The following CDC14A variants were observed in gnomAD, a reference collection of about 807,000 sequenced individuals.
CDC14A encodes the protein dual specificity protein phosphatase CDC14A.
In CDC14A, 53 loss-of-function variants were observed where a neutral mutation model predicts 74.4. That is an observed-to-expected ratio of 0.71 (90% CI 0.57 to 0.89). The LOEUF (loss-of-function observed/expected upper bound fraction) is 0.89, where lower values mean the gene tolerates loss of function less well. Among genes scored for constraint, CDC14A ranks in the 40% least tolerant of loss-of-function variants. The pLI, the probability that CDC14A is intolerant of heterozygous loss-of-function variation, is 0.00. For missense variants in CDC14A, 646 were observed against 713.7 expected (o/e 0.91, Z 1.08); for synonymous variants, 247 against 258.4 (o/e 0.96, Z 0.43).
upstream of CDC14A, among the ~76,000 whole-genome samples, chr1:100,348,059 G>A (rs553345102): frequency 1.6e-4 from 25 of 152,178 alleles, no homozygotes; most frequent in East Asian, 3.7e-3. Context: ...CGAGGTGGGC[G>A]GATCACGAGG....
rs376700434 is a variant in CDC14A at position 100,462,750 on chromosome 1, G to A, written c.707G>A (p.Arg236His). 7 of 1,614,006 alleles carry A rather than the reference G, an allele frequency of 4.3e-6. No individual in the cohort carries two copies. The highest frequency in any genetic ancestry group is 2.7e-5 in the African/African-American group (2 of 74,926). The change falls in exon 9 of 16, where the codon CGC becomes CAC. Residue 236 changes from arginine (R) to histidine (H), a missense_variant. Transcript: ENST00000336454. ...RLNKKIYEAK[R>H]FTDAGFEHYD... Reference sequence around the variant, plus strand: ...AACAAAAAGATTTATGAGGCAAAGCGCTTCACAGACGCTGGCTTCGAGCAC... The same window carrying A: ...AACAAAAAGATTTATGAGGCAAAGCACTTCACAGACGCTGGCTTCGAGCAC...
intron 9 of CDC14A, among the ~76,000 whole-genome samples, chr1:100,466,971 T>G (rs1667896397): frequency 6.6e-6 from 1 of 151,932 alleles, no homozygotes; most frequent in African/African-American, 2.4e-5. Context: ...TTTTTTTTTT[T>G]GTATAAAGCA....
intron 7 of CDC14A, among the ~76,000 whole-genome samples, chr1:100,445,349 C>T (rs966577675): frequency 2.0e-5 from 3 of 152,108 alleles, no homozygotes; most frequent in Admixed American, 1.3e-4. Flanking sequence ...CAGTCCTATA[C>T]CCAATTTTGT....
At chr1:100,447,404 C>A (rs1236506259) in intron 7 of CDC14A, among the ~76,000 whole-genome samples, 1 of 152,152 alleles carries the variant, frequency 6.6e-6, no homozygotes, top group Non-Finnish European at 1.5e-5. Flanking sequence ...CTTACATTTG[C>A]CCCGATCAGA....
Position 100,352,749 on chromosome 1 carries a change from G to A in CDC14A, c.-206G>A. On this transcript the variant is annotated 5_prime_UTR_variant, in exon 1 of 16. Transcript: ENST00000336454. ...GGCGTGAGCGCCCCGCGCGGAGCGA[G>A]CTCGGGTTCCCCTCGGAATGTCCCC... 7.1e-7 allele frequency: 1 copy of A among 1,401,782 alleles called. No individual in the cohort carries two copies. The allele number at this position is 1,401,782 out of a possible 1,614,324, so 86.8% of individuals were successfully genotyped here. A position where few individuals can be genotyped will look rare whatever the true frequency, so the allele number is the denominator to read the frequency against.
At chr1:100,420,535 T>C (rs1160451343) in intron 4 of CDC14A, among the ~76,000 whole-genome samples, 1 of 152,150 alleles carries the variant, frequency 6.6e-6, no homozygotes, top group African/African-American at 2.4e-5. Context: ...TTACATTGTT[T>C]CTCACGGTGT....
At chr1:100,476,782 C>T (rs1189915444) in intron 10 of CDC14A, among the ~76,000 whole-genome samples, 1 of 152,136 alleles carries the variant, frequency 6.6e-6, no homozygotes, top group Non-Finnish European at 1.5e-5. Context: ...AATAATGTCT[C>T]CCCAAATACA....
At chr1:100,501,297 C>T (rs374667917) in intron 15 of CDC14A, among the ~76,000 whole-genome samples, 10 of 152,258 alleles carry the variant, frequency 6.6e-5, no homozygotes, top group Admixed American at 2.0e-4. Flanking sequence ...GATCAGAATG[C>T]AGATCTTTCC....
Position 100,352,779 on chromosome 1 carries a change from C to T in CDC14A, c.-176C>T, listed in dbSNP as rs1321393855. 2 of 1,421,898 alleles carry T rather than the reference C, an allele frequency of 1.4e-6. No individual in the cohort carries two copies. Among genetic ancestry groups the T allele is most frequent in the Non-Finnish European group, 1.8e-6 (2 of 1,094,752 alleles). 88.1% of individuals were successfully genotyped at this position (1,421,898 alleles called of 1,614,324 possible). ...GGTTCCCCTCGGAATGTCCCCGGGG[C>T]GCCCGGCGCGCTGACCCCGAAGCCG... On this transcript the variant is annotated 5_prime_UTR_variant, in exon 1 of 16. Coordinates refer to ENST00000336454, the MANE Select transcript of CDC14A (RefSeq NM_003672.4).
intron 4 of CDC14A, among the ~76,000 whole-genome samples, chr1:100,392,743 G>A (rs570250684): frequency 6.6e-6 from 1 of 152,116 alleles, no homozygotes; most frequent in Non-Finnish European, 1.5e-5. Flanking sequence ...TACAAAACAT[G>A]GCCCACATGG....
intron 8 of CDC14A, among the ~76,000 whole-genome samples, chr1:100,461,122 G>C (rs1051286629): frequency 3.9e-5 from 6 of 152,300 alleles, no homozygotes; most frequent in Non-Finnish European, 7.4e-5. Flanking sequence ...TTTAAGGCTG[G>C]GGGGACAAAA....
At chr1:100,515,575 G>A (rs1643888208) in intron 15 of CDC14A, among the ~76,000 whole-genome samples, 1 of 151,988 alleles carries the variant, frequency 6.6e-6, no homozygotes, top group African/African-American at 2.4e-5. Context: ...AGTGGTGATG[G>A]AGTTTCGCCA....
Position 100,508,122 on chromosome 1 carries a change from T to G in CDC14A, c.1755+8860T>G, listed in dbSNP as rs867543007. ...TTTTCAATTCGTGAATTTTCTTTAA[T>G]GTGTCCATTCTGGAGTATATCCCCC... On this transcript the variant is annotated intron_variant, in intron 15 of 15. Transcript: ENST00000336454. This position sits in a 1 kb window ranked among gnomAD's most constrained non-coding sequence, Gnocchi z 4.4. Among the ~76,000 whole-genome samples the G allele has an allele frequency of 6.6e-6, 1 of 152,148 alleles. No individual in the cohort carries two copies. Among genetic ancestry groups the G allele is most frequent in the Admixed American group, 6.5e-5 (1 of 15,270 alleles).
At chr1:100,358,174 AC>A (rs1424276814) in intron 2 of CDC14A, among the ~76,000 whole-genome samples, 1 of 152,314 alleles carries the variant, frequency 6.6e-6, no homozygotes, top group African/African-American at 2.4e-5. Context: ...AAATAGCTCC[AC>A]AAAAAGGGAG....
intron 4 of CDC14A, chr1:100,423,631 ATCTTG>A (rs1233788446): frequency 6.5e-6 from 1 of 153,580 alleles, no homozygotes; most frequent in Non-Finnish European, 1.5e-5. Context: ...AGATTAGTTC[ATCTTG>A]TCAGACTAGA....
intron 4 of CDC14A, among the ~76,000 whole-genome samples, chr1:100,401,163 CAA>C (rs1002689728): frequency 2.6e-5 from 4 of 152,264 alleles, no homozygotes; most frequent in Middle Eastern, 3.4e-3. Flanking sequence ...CTACTTCAAA[CAA>C]TATATACTGA....
At chr1:100,372,180 G>A (rs1654573256) in intron 2 of CDC14A, among the ~76,000 whole-genome samples, 1 of 152,208 alleles carries the variant, frequency 6.6e-6, no homozygotes, top group Non-Finnish European at 1.5e-5. Context: ...TGAGCCTTTA[G>A]CAAGTTGTAA....
intron 7 of CDC14A, among the ~76,000 whole-genome samples, chr1:100,452,045 A>G (rs1257364213): frequency 2.6e-5 from 4 of 152,202 alleles, no homozygotes; most frequent in Admixed American, 1.3e-4. Flanking sequence ...TTTCCTAGAA[A>G]ACACATCTGT....
At chr1:100,358,050 G>T (rs1483458851) in intron 2 of CDC14A, among the ~76,000 whole-genome samples, 1 of 152,096 alleles carries the variant, frequency 6.6e-6, no homozygotes, top group Non-Finnish European at 1.5e-5. Context: ...TACTATAAAG[G>T]CCTGGGCAGC....
Sources: gnomAD v4.1 joint callset for allele counts (sites outside exome capture counted in the v4.1 genomes callset) on GRCh38, gnomAD v4.1.1 for gene constraint, Gnocchi (gnomAD v3.1) non-coding constraint, MANE v1.5 for transcripts, NCBI Gene and HGNC (gene_info 2026-07-23, HGNC 2026-07-21) for gene names.